MAD1L1: variants seen among roughly 807,000 people sequenced by gnomAD.
The protein encoded by MAD1L1 is mitotic arrest deficient 1 like 1.
In MAD1L1, 95 loss-of-function variants were observed where a neutral mutation model predicts 96.9. That is an observed-to-expected ratio of 0.98 (90% CI 0.83 to 1.16). MAD1L1 has a LOEUF of 1.16. Ranked by LOEUF, MAD1L1 falls within the 50% of genes most tolerant of loss-of-function variation. MAD1L1 has a pLI of 0.00. For missense variants in MAD1L1, 1,007 were observed against 954.4 expected (o/e 1.06, Z -0.73); for synonymous variants, 473 against 396.6 (o/e 1.19, Z -2.29).
At chr7:1,850,196 G>A (rs1562456008) in intron 18 of MAD1L1, among the ~76,000 whole-genome samples, 2 of 152,132 alleles carry the variant, frequency 1.3e-5, no homozygotes, top group Non-Finnish European at 2.9e-5. Flanking sequence ...TGAACCCCTG[G>A]GCAGGCCTCC....
intron 18 of MAD1L1, among the ~76,000 whole-genome samples, chr7:1,875,461 G>C (rs546337535): frequency 2.6e-5 from 4 of 152,304 alleles, no homozygotes; most frequent in Admixed American, 2.0e-4. Context: ...CGGGTCTGCA[G>C]CAGGAAGGCT....
chr7:1,979,973 C>G (rs535630283), intron 15 of MAD1L1, among the ~76,000 whole-genome samples: 1 of 152,184 alleles, frequency 6.6e-6, no homozygotes, highest in Non-Finnish European at 1.5e-5. Context: ...CCAGCAGAGA[C>G]GAGTGTCCCT....
At position 1,964,346 on chromosome 7, in the gene MAD1L1, G is replaced by A. The variant is rs560483483; in HGVS notation, c.1506-6627C>T. ...TTTCAAGGGCTGAATTGGAATGAGC[G>A]CACGCGTGTAGCTGCAGCCATGTTA... On this transcript the variant is annotated intron_variant, in intron 15 of 18. Transcript: ENST00000265854. 3.0e-3 allele frequency among the ~76,000 whole-genome samples: 461 copies of A among 152,288 alleles called. 1 individual carries two copies. The highest frequency in any genetic ancestry group is 0.01 in the African/African-American group (432 of 41,552).
chr7:2,008,034 CG>C (rs1468226650), intron 13 of MAD1L1, among the ~76,000 whole-genome samples: 1 of 152,242 alleles, frequency 6.6e-6, no homozygotes, highest in African/African-American at 2.4e-5. Context: ...GGCCCCAGAC[CG>C]GTGTCTCTAC....
chr7:2,121,362 G>T (rs73037214), intron 11 of MAD1L1, among the ~76,000 whole-genome samples: 3 of 152,224 alleles, frequency 2.0e-5, no homozygotes, highest in Non-Finnish European at 2.9e-5. Flanking sequence ...GGACAGGCAG[G>T]GATGAGGGAG....
intron 10 of MAD1L1, among the ~76,000 whole-genome samples, chr7:2,173,783 C>G (rs1034011751): frequency 6.6e-6 from 1 of 152,256 alleles, no homozygotes; most frequent in East Asian, 1.9e-4. Flanking sequence ...CAGTAGCTTT[C>G]TGAAAAAAGA....
intron 13 of MAD1L1, among the ~76,000 whole-genome samples, chr7:2,008,197 G>A (rs1302676980): frequency 1.3e-5 from 2 of 152,204 alleles, no homozygotes; most frequent in Non-Finnish European, 2.9e-5. Context: ...TCACAAGGGC[G>A]AGGAGCTGGC....
At chr7:1,837,016 G>A (rs1782969560) in intron 18 of MAD1L1, among the ~76,000 whole-genome samples, 1 of 152,188 alleles carries the variant, frequency 6.6e-6, no homozygotes, top group Non-Finnish European at 1.5e-5. Context: ...ACATTGTTAA[G>A]AGAATGAAAA....
chr7:1,880,608 G>C (rs1053550483), intron 18 of MAD1L1, among the ~76,000 whole-genome samples: 3 of 152,148 alleles, frequency 2.0e-5, no homozygotes, highest in Non-Finnish European at 4.4e-5. Flanking sequence ...TTGAACCTGC[G>C]TGCGTCCCAT....
intron 13 of MAD1L1, among the ~76,000 whole-genome samples, chr7:2,008,064 A>T (rs1043338942): frequency 6.6e-6 from 1 of 152,254 alleles, no homozygotes; most frequent in African/African-American, 2.4e-5. Flanking sequence ...GGTGGCAGGA[A>T]ACTGACGGTC....
chr7:2,185,402 C>G (rs2128603587), intron 10 of MAD1L1, among the ~76,000 whole-genome samples: 1 of 152,326 alleles, frequency 6.6e-6, no homozygotes, highest in South Asian at 2.1e-4. Context: ...TGGAAACTTT[C>G]TGCAGCCTGA....
At chr7:1,949,569 G>A (rs1030916027) in intron 16 of MAD1L1, among the ~76,000 whole-genome samples, 9 of 152,178 alleles carry the variant, frequency 5.9e-5, no homozygotes, top group South Asian at 2.1e-4. Flanking sequence ...TGGAGGCGGC[G>A]GGGAGGGGCC....
At chr7:1,941,694 C>G (rs1467723463) in intron 16 of MAD1L1, among the ~76,000 whole-genome samples, 1 of 152,232 alleles carries the variant, frequency 6.6e-6, no homozygotes, top group East Asian at 1.9e-4. Flanking sequence ...GTTCCCGTGG[C>G]CCGGCTTCCA....
rs530160515 is a variant in MAD1L1 at position 2,200,024 on chromosome 7, T to A, written c.986+13188A>T. 3.3e-4 allele frequency among the ~76,000 whole-genome samples: 50 copies of A among 152,318 alleles called. 1 individual carries two copies. The South Asian group carries it at 0.01, about 32-fold the overall frequency. On this transcript the variant is annotated intron_variant, in intron 10 of 18. Transcript: ENST00000265854. ...GGCCCGAGGGCAAGGGAGGGGTAAC[T>A]GCCCAACACTCTCCATGAAGCCAAG... is the stretch of plus-strand genomic sequence containing the variant.
intron 18 of MAD1L1, among the ~76,000 whole-genome samples, chr7:1,844,821 A>T (rs1278379777): frequency 6.6e-6 from 1 of 151,922 alleles, no homozygotes; most frequent in Non-Finnish European, 1.5e-5. Flanking sequence ...CTGTGGCCGT[A>T]CCGTGCAAGC....
At chr7:2,212,433 A>G (rs759883535) in intron 10 of MAD1L1, among the ~76,000 whole-genome samples, 1 of 152,122 alleles carries the variant, frequency 6.6e-6, no homozygotes, top group Non-Finnish European at 1.5e-5. Flanking sequence ...TGTAATCCCC[A>G]GTGCTGAAAG....
At chr7:2,027,503 T>C (rs1402911980) in intron 12 of MAD1L1, among the ~76,000 whole-genome samples, 1 of 152,166 alleles carries the variant, frequency 6.6e-6, no homozygotes, top group African/African-American at 2.4e-5. Context: ...GCATAACCCA[T>C]AGGCCATGCT....
chr7:2,225,736 A>T, intron 3 of MAD1L1, 186 bp from the exon 4 acceptor site: 1 of 627,862 alleles, frequency 1.6e-6, no homozygotes, highest in Non-Finnish European at 2.7e-6. Flanking sequence ...CGGGAAGGTG[A>T]AAAAGCCTGG....
chr7:1,855,499 A>C (rs1009643444), intron 18 of MAD1L1, among the ~76,000 whole-genome samples: 6 of 151,994 alleles, frequency 3.9e-5, no homozygotes, highest in African/African-American at 1.5e-4. Flanking sequence ...CCAAATCTCC[A>C]GTCTCATCCC....
Sources: allele counts gnomAD v4.1 joint callset (sites outside exome capture counted in the v4.1 genomes callset), GRCh38; gene constraint gnomAD v4.1.1; transcripts MANE v1.5; gene names NCBI Gene and HGNC (gene_info 2026-07-23, HGNC 2026-07-21).